The following CASK variants were observed in gnomAD, a reference collection of about 807,000 sequenced individuals.
CASK encodes calcium/calmodulin dependent serine protein kinase.
Under a neutral mutation model 82.9 loss-of-function variants are expected in CASK, and 4 were observed. The observed-to-expected ratio is 0.05, with a 90% CI of 0.02 to 0.11. CASK has a LOEUF of 0.11. CASK is among the 10% of genes least tolerant of loss of function. The probability of loss-of-function intolerance (pLI) is 1.00; values close to 1 mark genes in which losing one functional copy is unlikely to be tolerated. For synonymous variants in CASK, 259 were observed against 253.5 expected, an observed-to-expected ratio of 1.02 and a Z score of -0.20; for missense variants, 358 against 720.9, an observed-to-expected ratio of 0.50 and a Z score of 5.76.
intron 14 of CASK, among the ~76,000 whole-genome samples, chrX:41,579,686 C>A (rs5918205): frequency 9.0e-6 from 1 of 110,912 alleles, no homozygotes; most frequent in African/African-American, 3.3e-5. Flanking sequence ...GGGATCTGTG[C>A]GGTAATATCT....
chrX:41,757,292 T>C (rs1043540670), intron 3 of CASK, among the ~76,000 whole-genome samples: 2 of 111,437 alleles, frequency 1.8e-5, no homozygotes, highest in African/African-American at 6.5e-5. Flanking sequence ...ATAACTACCA[T>C]CTTTTCCCAA....
At position 41,745,369 on chromosome X, in the gene CASK, G is replaced by T. The variant is rs925042290; in HGVS notation, c.356+155C>A. ...CATTGTTCGGTATTTTGCATTTCCAGTGACTATCGGTTCTACTAACACATA... is the reference window on the plus strand; with the variant it reads ...CATTGTTCGGTATTTTGCATTTCCATTGACTATCGGTTCTACTAACACATA... On this transcript the variant is annotated intron_variant, in intron 4 of 26. Transcript: ENST00000378163. 6.0e-6 allele frequency: 3 copies of T among 499,708 alleles called. 1 individual carries two copies. In the Admixed American group the frequency reaches 9.0e-5, roughly 15 times the overall value. The allele number at this position is 499,708 out of a possible 1,213,427, so 41.2% of individuals were successfully genotyped here.
chrX:41,681,105 T>C (rs1272923770), intron 5 of CASK, among the ~76,000 whole-genome samples: 1 of 111,580 alleles, frequency 9.0e-6, no homozygotes, highest in East Asian at 2.8e-4. Flanking sequence ...TTTTGGAGAT[T>C]CGTAACAATT....
intron 2 of CASK, among the ~76,000 whole-genome samples, chrX:41,820,034 G>GAAA (rs1162083939): frequency 9.0e-6 from 1 of 111,350 alleles, no homozygotes; most frequent in African/African-American, 3.2e-5. Context: ...ATCAAGGTAA[G>GAAA]AAGAAACAAA....
chrX:41,666,600 G>A (rs1319764235), intron 6 of CASK, among the ~76,000 whole-genome samples: 2 of 112,175 alleles, frequency 1.8e-5, no homozygotes, highest in African/African-American at 6.5e-5. Flanking sequence ...ATGAAACTCA[G>A]TTGGGATGCA....
intron 25 of CASK, chrX:41,524,459 AATTGCTAGCCAAGG>A (rs2064682161): frequency 6.0e-6 from 1 of 167,226 alleles, no homozygotes; most frequent in African/African-American, 3.2e-5. Flanking sequence ...TCAAATTTCA[AATTGCTAGCCAAGG>A]ATTGCTAGCA....
chrX:41,813,216 T>A (rs2070336843), intron 2 of CASK, among the ~76,000 whole-genome samples: 1 of 111,629 alleles, frequency 9.0e-6, no homozygotes, highest in African/African-American at 3.3e-5. Flanking sequence ...ACCAATGACT[T>A]TCTTCACGAA....
chrX:41,680,465 A>C lies in CASK; in HGVS notation c.430-8935T>G, dbSNP rs965883936. On this transcript the variant is annotated intron_variant, in intron 5 of 26. Transcript: ENST00000378163. ...CCATTGCACTCCAGCCTGGCGACAAAGCGAGACTCTGTCTCAAAAATAATA... is the reference window on the plus strand; with the variant it reads ...CCATTGCACTCCAGCCTGGCGACAACGCGAGACTCTGTCTCAAAAATAATA... Among the ~76,000 whole-genome samples the C allele has an allele frequency of 1.8e-5, 2 of 109,762 alleles. 1 individual carries two copies. The highest frequency in any genetic ancestry group is 6.6e-5 in the African/African-American group (2 of 30,118).
intron 22 of CASK, among the ~76,000 whole-genome samples, 192 bp downstream of exon 22, chrX:41,542,499 G>C (rs1004041681): frequency 8.9e-6 from 1 of 112,912 alleles, no homozygotes; most frequent in Non-Finnish European, 1.9e-5. Flanking sequence ...GTATAGCTCT[G>C]TAAAATATCT....
In CASK at chrX:41,523,937, A is replaced by G. The variant is rs1400028802; in HGVS notation, c.2604+14T>C. The G allele has an allele frequency of 8.7e-7, 1 of 1,150,562 alleles. No individual in the cohort carries two copies. The highest frequency in any genetic ancestry group is 1.8e-5 in the South Asian group (1 of 54,432). 94.8% of individuals were successfully genotyped at this position (1,150,562 alleles called of 1,213,427 possible). On this transcript the variant is annotated intron_variant, in intron 26 of 26. Coordinates refer to ENST00000378163, the MANE Select transcript of CASK (RefSeq NM_001367721.1). Reference sequence around the variant, plus strand: ...CCTTACAGCTTATTTGGGGAAAAACAGATTGATTCTTACCTCATTTAAACC... The same window carrying G: ...CCTTACAGCTTATTTGGGGAAAAACGGATTGATTCTTACCTCATTTAAACC...
At chrX:41,792,642 A>G (rs891638885) in intron 2 of CASK, among the ~76,000 whole-genome samples, 1 of 111,620 alleles carries the variant, frequency 9.0e-6, no homozygotes, top group African/African-American at 3.3e-5. Flanking sequence ...TAAGCCATGC[A>G]TATAATTTTA....
chrX:41,610,963 T>C (rs1488713984), intron 11 of CASK, among the ~76,000 whole-genome samples: 1 of 112,370 alleles, frequency 8.9e-6, no homozygotes, highest in Non-Finnish European at 1.9e-5. Context: ...AATAAGTGTC[T>C]CATTGCACAT....
chrX:41,774,824 C>G (rs1437053114), intron 3 of CASK, among the ~76,000 whole-genome samples: 4 of 111,027 alleles, frequency 3.6e-5, no homozygotes. Flanking sequence ...GGAAAACTGG[C>G]TAGCCATATA....
intron 8 of CASK, among the ~76,000 whole-genome samples, chrX:41,645,916 T>C (rs1018862318): frequency 1.0e-4 from 11 of 110,289 alleles, no homozygotes; most frequent in African/African-American, 3.6e-4. Flanking sequence ...CTCACCTAGA[T>C]AGATGCTCCT....
At chrX:41,900,739 CTT>C (rs759671263) in intron 1 of CASK, among the ~76,000 whole-genome samples, 3 of 50,159 alleles carry the variant, frequency 6.0e-5, no homozygotes, top group African/African-American at 1.8e-4. Flanking sequence ...ATTTTGAAAT[CTT>C]TTTTTTTTTT....
intron 5 of CASK, among the ~76,000 whole-genome samples, chrX:41,717,471 T>C (rs1278321723): frequency 9.0e-6 from 1 of 111,487 alleles, no homozygotes; most frequent in Non-Finnish European, 1.9e-5. Context: ...AGTTTGGGAG[T>C]TTATAGAGAT....
At chrX:41,877,393 AC>A (rs2071847052) in intron 1 of CASK, among the ~76,000 whole-genome samples, 1 of 111,779 alleles carries the variant, frequency 8.9e-6, no homozygotes, top group African/African-American at 3.2e-5. Context: ...GAGGGAGAAT[AC>A]TTATGAGACA....
intron 25 of CASK, among the ~76,000 whole-genome samples, chrX:41,524,902 T>C (rs1366381457): frequency 9.0e-6 from 1 of 111,588 alleles, no homozygotes; most frequent in African/African-American, 3.3e-5. Context: ...CACAAGTGAC[T>C]GACATGTGAT....
At chrX:41,866,596 C>G (rs1442460781) in intron 1 of CASK, among the ~76,000 whole-genome samples, 3 of 111,781 alleles carry the variant, frequency 2.7e-5, no homozygotes, top group Non-Finnish European at 5.6e-5. Context: ...TAAGTCTACG[C>G]CTTTTTGTTC....
Sources: allele counts gnomAD v4.1 joint callset (sites outside exome capture counted in the v4.1 genomes callset), GRCh38; gene constraint gnomAD v4.1.1; transcripts MANE v1.5; gene names NCBI Gene and HGNC (gene_info 2026-07-23, HGNC 2026-07-21).